SSB: variants seen among roughly 807,000 people sequenced by gnomAD.
SSB encodes the protein small RNA binding exonuclease protection factor La.
SSB carries 17 observed loss-of-function variants against 52.9 expected under a neutral mutation model. That is an observed-to-expected ratio of 0.32 (90% CI 0.22 to 0.48). The LOEUF (loss-of-function observed/expected upper bound fraction) is 0.48, where lower values mean the gene tolerates loss of function less well. SSB is among the 20% of genes least tolerant of loss of function. The probability of loss-of-function intolerance (pLI) is 0.99; values close to 1 mark genes in which losing one functional copy is unlikely to be tolerated. For missense variants in SSB, 314 were observed against 463.6 expected (o/e 0.68, Z 2.96); for synonymous variants, 111 against 152.1 (o/e 0.73, Z 1.99).
intron 6 of SSB, among the ~76,000 whole-genome samples, chr2:169,807,599 A>G (rs191388623): frequency 3.3e-5 from 5 of 152,286 alleles, no homozygotes; most frequent in South Asian, 2.1e-4. Context: ...ACTGTTAGCC[A>G]TTATTAAAGG....
intron 6 of SSB, among the ~76,000 whole-genome samples, chr2:169,807,465 T>G (rs544024713): frequency 3.9e-5 from 6 of 152,168 alleles, no homozygotes; most frequent in Middle Eastern, 6.8e-3. Flanking sequence ...ATTTTTGTAT[T>G]TTTAGTAGAG....
rs1189575432 is a variant in SSB, at chr2:169,807,072, G to GT, written c.554+2dup. 1 of 1,613,094 alleles carries GT rather than the reference G, an allele frequency of 6.2e-7. No homozygotes were observed. The highest frequency in any genetic ancestry group is 8.5e-7 in the Non-Finnish European group (1 of 1,179,470). On this transcript the variant is annotated splice_donor_variant, in intron 6 of 11. Transcript: ENST00000260956. LOFTEE classifies it high-confidence loss of function. ...AAACAGACCTGCTAATACTTTTCAA[G>GT]TAAGTCTTTTTGCTGATGTTTCTCC...
chr2:169,811,168 A>T lies in SSB; in HGVS notation c.998-15A>T. On this transcript the variant is annotated splice_polypyrimidine_tract_variant and intron_variant, in intron 10 of 11. Transcript: ENST00000260956. ...AAAAAAGTTCTTTACAGAGTGCTCA[A>T]TTGTGTCTCTACAGGTCGTAGATTT... The T allele has an allele frequency of 6.2e-7, 1 of 1,604,394 alleles. No individual in the cohort carries two copies. The highest frequency in any genetic ancestry group is 8.5e-7 in the Non-Finnish European group (1 of 1,178,026).
In SSB at chr2:169,805,783, C is replaced by G; in HGVS notation, c.289C>G (p.Leu97Val). 6.2e-7 allele frequency: 1 copy of G among 1,614,050 alleles called. No individual in the cohort carries two copies. Among genetic ancestry groups the G allele is most frequent in the Non-Finnish European group, 8.5e-7 (1 of 1,179,988 alleles). The change falls in exon 4 of 12, where the codon CTA becomes GTA. Residue 97 changes from leucine (L) to valine (V), a missense_variant. By Grantham distance (32) the Leu-to-Val change is conservative. Transcript: ENST00000260956. Reference protein sequence around the residue: ...TKIRRSPSKPLPEVTDEYKND... With the variant: ...TKIRRSPSKPVPEVTDEYKND... ...AATCAGAAGGTCTCCAAGCAAACCC[C>G]TACCTGAAGTGACTGATGAGTATAA...
chr2:169,806,266 T>G (rs1689827616), intron 4 of SSB, among the ~76,000 whole-genome samples: 2 of 152,194 alleles, frequency 1.3e-5, no homozygotes, highest in Admixed American at 1.3e-4. Flanking sequence ...TGCCTAGTCC[T>G]AAGTTTTATC....
intron 2 of SSB, 22 bp downstream of exon 2, chr2:169,801,048 C>T: frequency 6.5e-7 from 1 of 1,548,232 alleles, no homozygotes; most frequent in Non-Finnish European, 8.7e-7. Context: ...GTGCTATAAA[C>T]TGCAAAAACA....
chr2:169,811,141 TAAAA>T (rs1179035799), intron 10 of SSB, 38 bp from the exon 11 acceptor site: 4 of 1,593,244 alleles, frequency 2.5e-6, no homozygotes, highest in African/African-American at 2.7e-5. Context: ...ACAAGAGACT[TAAAA>T]AAAGTTCTTT....
chr2:169,806,214 C>A, intron 4 of SSB: 1 of 242,604 alleles, frequency 4.1e-6, no homozygotes. Context: ...ATCCAATCAC[C>A]TTGACCTCCC....
At chr2:169,799,128 G>C (rs1689646519) in intron 1 of SSB, among the ~76,000 whole-genome samples, 152 bp downstream of exon 1, 2 of 152,088 alleles carry the variant, frequency 1.3e-5, no homozygotes, top group Non-Finnish European at 2.9e-5. Context: ...GGCCGCAGCC[G>C]GAGGCGGCGG....
In SSB at chr2:169,805,543, T is replaced by C; in HGVS notation, c.136T>C (p.Trp46Arg). ...LKEQIKLDEG[W>R]VPLEIMIKFN... ...GGAACAGATAAAACTGGATGAAGGC[T>C]GGGTACCTTTGGAGATAATGATAAA... The change falls in exon 3 of 12, where the codon TGG becomes CGG. Residue 46 changes from tryptophan to arginine, a missense_variant. By Grantham distance (101) the Trp-to-Arg change is moderately radical. Coordinates refer to ENST00000260956, the MANE Select transcript of SSB (RefSeq NM_003142.5). The C allele has an allele frequency of 6.2e-7, 1 of 1,614,008 alleles. No homozygotes were observed. The highest frequency in any genetic ancestry group is 8.5e-7 in the Non-Finnish European group (1 of 1,179,982).
At chr2:169,800,337 T>C (rs2556348) in intron 1 of SSB, among the ~76,000 whole-genome samples, 148,033 of 152,088 alleles carry the variant, frequency 0.97, 72,152 homozygotes, top group East Asian at 1. Context: ...TCAAGACCAG[T>C]CTGACCAACA....
chr2:169,810,725 T>G, intron 9 of SSB, 133 bp from the exon 10 acceptor site: 2 of 859,270 alleles, frequency 2.3e-6, no homozygotes, highest in South Asian at 3.7e-5. Flanking sequence ...CCTTTTCTAC[T>G]GTTCAGTAAA....
chr2:169,806,676 A>G (rs1478344411), intron 4 of SSB, 109 bp from the exon 5 acceptor site: 1 of 807,008 alleles, frequency 1.2e-6, no homozygotes, highest in East Asian at 2.5e-5. Context: ...ATAGAGATAG[A>G]TAGGTATATC....
rs1558972949 is a variant in SSB, at chr2:169,810,265, C to G, written c.670-18C>G. ...TTGCTTTTAAGAAACTTTTTGATCA[C>G]TTTGTATATTTTTATAGAAATCTCT... On this transcript the variant is annotated intron_variant, in intron 8 of 11. Coordinates refer to ENST00000260956, the MANE Select transcript of SSB (RefSeq NM_003142.5). 6.3e-7 allele frequency: 1 copy of G among 1,587,368 alleles called. No homozygotes were observed. The highest frequency in any genetic ancestry group is 8.5e-7 in the Non-Finnish European group (1 of 1,169,760).
At position 169,805,489 on chromosome 2, in the gene SSB, T is replaced by A. The variant is rs1689810130; in HGVS notation, c.82T>A (p.Phe28Ile). 6.2e-7 allele frequency: 1 copy of A among 1,613,160 alleles called. No individual in the cohort carries two copies. Among genetic ancestry groups the A allele is most frequent in the Middle Eastern group, 1.8e-4 (1 of 5,432 alleles). ...TATCTCACAGTATTATTTTGGCGAC[T>A]TCAATTTGCCACGGGACAAGTTTCT... is the stretch of plus-strand genomic sequence containing the variant. ...CHQIEYYFGD[F>I]NLPRDKFLKE... is the part of the protein sequence containing the mutation. The change falls in exon 3 of 12, where the codon TTC (phenylalanine) becomes ATC (isoleucine). Residue 28 changes from phenylalanine (F) to isoleucine (I), a missense_variant. Physicochemically the swap from Phe to Ile is conservative, Grantham distance 21. Transcript: ENST00000260956.
chr2:169,806,672 A>G, intron 4 of SSB, 113 bp from the exon 5 acceptor site: 1 of 784,298 alleles, frequency 1.3e-6, no homozygotes, highest in Non-Finnish European at 2.1e-6. Flanking sequence ...AGAAATAGAG[A>G]TAGATAGGTA....
At chr2:169,802,252 C>G (rs773130007) in intron 2 of SSB, among the ~76,000 whole-genome samples, 3 of 152,034 alleles carry the variant, frequency 2.0e-5, no homozygotes, top group Non-Finnish European at 2.9e-5. Context: ...GCCTGATTTG[C>G]AAATCGTTCT....
In SSB at chr2:169,811,834, G is replaced by A. The variant is rs756519819; in HGVS notation, c.*78G>A. ...TTGCGGGGCTTTTAAAAGGAAAACC[G>A]AATTAGGTCCACTTCAATGTCCACC... On this transcript the variant is annotated 3_prime_UTR_variant, in exon 12 of 12. Coordinates refer to ENST00000260956, the MANE Select transcript of SSB (RefSeq NM_003142.5). The A allele has an allele frequency of 5.0e-6, 8 of 1,613,452 alleles. No homozygotes were observed. Among genetic ancestry groups the A allele is most frequent in the Admixed American group, 3.3e-5 (2 of 59,948 alleles).
chr2:169,809,053 A>G (rs1467216421), intron 8 of SSB, 151 bp downstream of exon 8: 4 of 704,360 alleles, frequency 5.7e-6, no homozygotes, highest in Non-Finnish European at 1.0e-5. Flanking sequence ...ATATTGAGGG[A>G]AAAGAGAAAA....
Sources: allele counts gnomAD v4.1 joint callset (sites outside exome capture counted in the v4.1 genomes callset), GRCh38; gene constraint gnomAD v4.1.1; transcripts MANE v1.5; gene names NCBI Gene and HGNC (gene_info 2026-07-23, HGNC 2026-07-21).